AGBL4: variants seen among roughly 807,000 people sequenced by gnomAD.
The protein encoded by AGBL4 is AGBL carboxypeptidase 4.
Under a neutral mutation model 66.4 loss-of-function variants are expected in AGBL4, and 58 were observed. That is an observed-to-expected ratio of 0.87 (90% CI 0.71 to 1.09). The LOEUF (loss-of-function observed/expected upper bound fraction) is 1.09. AGBL4 is among the 50% of genes least tolerant of loss of function. AGBL4 has a pLI of 0.00. For missense variants in AGBL4, 579 were observed against 631.0 expected (o/e 0.92, Z 0.88); for synonymous variants, 234 against 222.9 (o/e 1.05, Z -0.44).
chr1:49,119,560 A>G (rs1331944421), intron 4 of AGBL4, among the ~76,000 whole-genome samples: 1 of 152,178 alleles, frequency 6.6e-6, no homozygotes, highest in African/African-American at 2.4e-5. Flanking sequence ...GTGGTCTGAA[A>G]GAGAGTTTGT....
At chr1:49,349,970 C>T (rs547716750) in intron 3 of AGBL4, among the ~76,000 whole-genome samples, 2 of 152,270 alleles carry the variant, frequency 1.3e-5, no homozygotes, top group Non-Finnish European at 2.9e-5. Flanking sequence ...CCTGCTGACA[C>T]ATTGGTCTCA....
chr1:49,634,284 A>G (rs1338544279), intron 3 of AGBL4, among the ~76,000 whole-genome samples: 2 of 151,864 alleles, frequency 1.3e-5, no homozygotes, highest in Admixed American at 1.3e-4. Context: ...TCACTGTTCA[A>G]CTCCCACTTA....
At chr1:49,652,573 AGAAGACTGAGT>A (rs1260451417) in intron 3 of AGBL4, among the ~76,000 whole-genome samples, 1 of 152,158 alleles carries the variant, frequency 6.6e-6, no homozygotes, top group Non-Finnish European at 1.5e-5. Flanking sequence ...AGACTGCCTA[AGAAGACTGAGT>A]ACTGGCAATG....
At chr1:48,797,007 G>A (rs377305130) in intron 6 of AGBL4, among the ~76,000 whole-genome samples, 1 of 152,146 alleles carries the variant, frequency 6.6e-6, no homozygotes, top group East Asian at 1.9e-4. Context: ...CACACCCTAA[G>A]AAAAGAAATA....
At chr1:49,113,404 C>G (rs1044455638) in intron 4 of AGBL4, among the ~76,000 whole-genome samples, 1 of 92,616 alleles carries the variant, frequency 1.1e-5, no homozygotes, top group Non-Finnish European at 2.3e-5. Flanking sequence ...ACCACCACAC[C>G]AGGCTATTTT....
intron 6 of AGBL4, among the ~76,000 whole-genome samples, chr1:48,703,549 G>C (rs1211724300): frequency 6.6e-6 from 1 of 152,234 alleles, no homozygotes; most frequent in African/African-American, 2.4e-5. Context: ...AGGGAAAAAG[G>C]ACTTTCAGAT....
intron 3 of AGBL4, among the ~76,000 whole-genome samples, chr1:49,389,727 G>T (rs1181243105): frequency 2.0e-5 from 3 of 152,184 alleles, no homozygotes; most frequent in Non-Finnish European, 4.4e-5. Flanking sequence ...CAGTGAGGAA[G>T]AAGGGGAAAC....
intron 6 of AGBL4, among the ~76,000 whole-genome samples, chr1:48,672,483 C>T (rs1367577683): frequency 6.6e-6 from 1 of 152,220 alleles, no homozygotes; most frequent in African/African-American, 2.4e-5. Flanking sequence ...TGTCAAGGAA[C>T]ATAAATTCAG....
At chr1:49,709,200 T>C (rs1288005240) in intron 2 of AGBL4, among the ~76,000 whole-genome samples, 1 of 151,840 alleles carries the variant, frequency 6.6e-6, no homozygotes, top group Non-Finnish European at 1.5e-5. Flanking sequence ...AAGATGGGAG[T>C]TTTATCTATA....
At chr1:49,825,631 T>G (rs1645488975) in intron 2 of AGBL4, among the ~76,000 whole-genome samples, 1 of 152,166 alleles carries the variant, frequency 6.6e-6, no homozygotes, top group Non-Finnish European at 1.5e-5. Context: ...TAAAGCAGAT[T>G]GCCCTCCATA....
intron 5 of AGBL4, among the ~76,000 whole-genome samples, chr1:48,880,144 AG>A (rs1287714765): frequency 6.6e-6 from 1 of 152,068 alleles, no homozygotes; most frequent in Non-Finnish European, 1.5e-5. Flanking sequence ...GACTCTCCAA[AG>A]TCCATTGTGT....
At chr1:49,221,676 AT>A (rs1027663974) in intron 4 of AGBL4, among the ~76,000 whole-genome samples, 6 of 151,850 alleles carry the variant, frequency 4.0e-5, no homozygotes, top group East Asian at 1.9e-4. Context: ...TTAAAAATTT[AT>A]TTTTTTTCAC....
At chr1:48,906,749 A>C (rs1383277440) in intron 5 of AGBL4, among the ~76,000 whole-genome samples, 1 of 152,236 alleles carries the variant, frequency 6.6e-6, no homozygotes, top group East Asian at 1.9e-4. Flanking sequence ...CAAAGAAATA[A>C]AATGATTTGC....
At chr1:49,780,328 T>A (rs563782154) in intron 2 of AGBL4, among the ~76,000 whole-genome samples, 1 of 152,114 alleles carries the variant, frequency 6.6e-6, no homozygotes, top group African/African-American at 2.4e-5. Flanking sequence ...TAATTGATAA[T>A]AAGAGCCCAA....
At chr1:49,218,611 A>G (rs928789933) in intron 4 of AGBL4, among the ~76,000 whole-genome samples, 2 of 152,092 alleles carry the variant, frequency 1.3e-5, no homozygotes, top group Non-Finnish European at 1.5e-5. Context: ...ACACCCTGTT[A>G]GCTCACCCCT....
chr1:48,537,205 T>TACTGAC (rs2148255941), intron 12 of AGBL4, among the ~76,000 whole-genome samples: 1 of 152,282 alleles, frequency 6.6e-6, no homozygotes, highest in African/African-American at 2.4e-5. Context: ...TTTAAAGGAT[T>TACTGAC]ACTGACCAAT....
At chr1:49,550,258 C>T (rs563371399) in intron 3 of AGBL4, among the ~76,000 whole-genome samples, 64 of 152,292 alleles carry the variant, frequency 4.2e-4, no homozygotes, top group African/African-American at 1.5e-3. Flanking sequence ...TTAAGAGGAA[C>T]ATTTAGGCCA....
intron 3 of AGBL4, among the ~76,000 whole-genome samples, chr1:49,427,371 G>GA (rs1483930857): frequency 1.3e-5 from 2 of 151,944 alleles, no homozygotes; most frequent in African/African-American, 4.8e-5. Context: ...TCTGAGAGGA[G>GA]AAAAAAAGGA....
chr1:48,776,781 G>A, intron 6 of AGBL4: 1 of 1,524,032 alleles, frequency 6.6e-7, no homozygotes, highest in South Asian at 1.2e-5. Context: ...CGCACGACAC[G>A]GGCAGCGCGT....
Sources: gnomAD v4.1 joint callset for allele counts (sites outside exome capture counted in the v4.1 genomes callset) on GRCh38, gnomAD v4.1.1 for gene constraint, MANE v1.5 for transcripts, NCBI Gene and HGNC (gene_info 2026-07-23, HGNC 2026-07-21) for gene names.